PLEKHH2: variants seen among roughly 807,000 people sequenced by gnomAD.
The protein encoded by PLEKHH2 is pleckstrin homology, MyTH4 and FERM domain containing H2.
Under a neutral mutation model 187.9 loss-of-function variants are expected in PLEKHH2, and 129 were observed. That is an observed-to-expected ratio of 0.69 (90% CI 0.59 to 0.79). The LOEUF is 0.79. Among genes scored for constraint, PLEKHH2 ranks in the 30% least tolerant of loss-of-function variants. The pLI is 0.00. For missense variants in PLEKHH2, 2,076 were observed against 1,751.2 expected, an observed-to-expected ratio of 1.19 and a Z score of -3.31; for synonymous variants, 686 against 605.6, an observed-to-expected ratio of 1.13 and a Z score of -1.95.
intron 25 of PLEKHH2, among the ~76,000 whole-genome samples, chr2:43,756,574 A>G (rs1472995253): frequency 1.3e-5 from 2 of 152,234 alleles, no homozygotes; most frequent in Non-Finnish European, 2.9e-5. Flanking sequence ...AGCAAGTACT[A>G]CTAGATGGTG....
chr2:43,668,071 C>T (rs1416024250), intron 2 of PLEKHH2, among the ~76,000 whole-genome samples: 1 of 152,140 alleles, frequency 6.6e-6, no homozygotes, highest in Admixed American at 6.5e-5. Context: ...CCGGCTCTGT[C>T]ACCCTGGCTG....
At chr2:43,648,090 C>A (rs1436806500) in intron 2 of PLEKHH2, among the ~76,000 whole-genome samples, 1 of 152,162 alleles carries the variant, frequency 6.6e-6, no homozygotes, top group African/African-American at 2.4e-5. Flanking sequence ...TGCCGTTAGA[C>A]CGTAGATCTT....
At chr2:43,650,935 G>A (rs527665019) in intron 2 of PLEKHH2, among the ~76,000 whole-genome samples, 4 of 151,888 alleles carry the variant, frequency 2.6e-5, no homozygotes, top group Admixed American at 6.6e-5. Context: ...ATGAGCCACC[G>A]CGCCTGGCCA....
At chr2:43,650,873 C>T (rs1666434973) in intron 2 of PLEKHH2, among the ~76,000 whole-genome samples, 1 of 151,740 alleles carries the variant, frequency 6.6e-6, no homozygotes, top group East Asian at 2.0e-4. Flanking sequence ...TCTTGAACTC[C>T]TGACCTTGTG....
At chr2:43,686,982 TTATA>T (rs1668554143) in intron 3 of PLEKHH2, among the ~76,000 whole-genome samples, 1 of 128,186 alleles carries the variant, frequency 7.8e-6, no homozygotes, top group Non-Finnish European at 1.8e-5. Context: ...CTATATATAT[TTATA>T]TTTTAAAATA....
chr2:43,684,300 G>C (rs1158014508), intron 3 of PLEKHH2, among the ~76,000 whole-genome samples: 5 of 149,992 alleles, frequency 3.3e-5, no homozygotes, highest in African/African-American at 1.2e-4. Context: ...CTGTACCCTG[G>C]CTGTGTCTAT....
At chr2:43,725,376 G>C (rs1670690620) in intron 16 of PLEKHH2, among the ~76,000 whole-genome samples, 1 of 152,080 alleles carries the variant, frequency 6.6e-6, no homozygotes, top group African/African-American at 2.4e-5. Flanking sequence ...CTGTTTTATT[G>C]GGGGGCCCAT....
At chr2:43,690,762 C>T (rs1220548533) in intron 3 of PLEKHH2, among the ~76,000 whole-genome samples, 2 of 152,072 alleles carry the variant, frequency 1.3e-5, no homozygotes, top group Non-Finnish European at 2.9e-5. Flanking sequence ...CTTTATTTTC[C>T]TTCTTACTAC....
At chr2:43,705,526 A>G (rs974704231) in intron 9 of PLEKHH2, among the ~76,000 whole-genome samples, 2 of 151,996 alleles carry the variant, frequency 1.3e-5, no homozygotes, top group East Asian at 1.9e-4. Flanking sequence ...TCAAGGTGCT[A>G]GGATTACAGG....
intron 3 of PLEKHH2, among the ~76,000 whole-genome samples, chr2:43,683,037 C>T (rs1353890037): frequency 6.6e-6 from 1 of 151,934 alleles, no homozygotes; most frequent in Non-Finnish European, 1.5e-5. Flanking sequence ...TCTCCTGTGC[C>T]CTACCTATTC....
At chr2:43,743,782 T>C (rs895424358) in intron 22 of PLEKHH2, 52 bp from the exon 23 acceptor site, 1 of 1,489,350 alleles carries the variant, frequency 6.7e-7, no homozygotes, top group African/African-American at 1.4e-5. Flanking sequence ...AAAATCTCAG[T>C]TTGAAACTAT....
rs780239795 is a variant in PLEKHH2 at position 43,675,546 on chromosome 2, G to T, written c.124-3317G>T. 3 of 1,613,844 alleles carry T rather than the reference G, an allele frequency of 1.9e-6. No homozygotes were observed. In the South Asian group the frequency reaches 3.3e-5, roughly 18 times the overall value. Reference sequence around the variant, plus strand: ...AGCAGCCTTCTACTACTTGCTGAGGGTTATTAGACAATGCCTCTTCAATAA... The same window carrying T: ...AGCAGCCTTCTACTACTTGCTGAGGTTTATTAGACAATGCCTCTTCAATAA... On this transcript the variant is annotated intron_variant, in intron 2 of 29. Transcript: ENST00000282406.
intron 11 of PLEKHH2, among the ~76,000 whole-genome samples, chr2:43,709,613 G>A (rs576531974): frequency 1.4e-4 from 22 of 152,250 alleles, no homozygotes; most frequent in African/African-American, 3.9e-4. Context: ...CAAGGCAGGC[G>A]GATCACGAGG....
chr2:43,643,417 GTACTGAAT>G (rs1666041631), intron 1 of PLEKHH2, among the ~76,000 whole-genome samples: 1 of 151,932 alleles, frequency 6.6e-6, no homozygotes, highest in Non-Finnish European at 1.5e-5. Context: ...TATTTCTAAC[GTACTGAAT>G]ATTGTCAGTA....
At position 43,765,530 on chromosome 2, in the gene PLEKHH2, G is replaced by T; in HGVS notation, c.4414G>T (p.Ala1472Ser). The T allele has an allele frequency of 6.2e-7, 1 of 1,614,010 alleles. No individual in the cohort carries two copies. ...LLSAQTRGPQ[A>S]RMMGSQPLLS... ...CTCAGCCCAGACCCGGGGACCCCAA[G>T]CCAGAATGATGGGAAGCCAGCCTCT... The change falls in exon 30 of 30, where the codon GCC becomes TCC. Residue 1472 changes from alanine to serine, a missense_variant. By Grantham distance (99) the Ala-to-Ser change is moderately conservative. Coordinates refer to ENST00000282406, the MANE Select transcript of PLEKHH2 (RefSeq NM_172069.4).
chr2:43,724,965 T>C (rs1670665847), intron 16 of PLEKHH2, among the ~76,000 whole-genome samples: 1 of 152,012 alleles, frequency 6.6e-6, no homozygotes, highest in Non-Finnish European at 1.5e-5. Context: ...ACAGAGTGAG[T>C]TTAGAGCAGG....
chr2:43,745,890 G>A lies in PLEKHH2; in HGVS notation c.3580G>A (p.Glu1194Lys). Residue 1194 changes from glutamate (E) to lysine (K), a missense_variant, in exon 24 of 30, where the codon GAA becomes AAA. Physicochemically the swap from Glu to Lys is moderately conservative, Grantham distance 56. Transcript: ENST00000282406. ...IKICDIISKW[E>K]QASKEQQPGK... ...GATTTGTGACATTATTTCCAAATGG[G>A]AACAGGCTTCCAAAGAACAGCAGCC... 1 of 1,611,602 alleles carries A rather than the reference G, an allele frequency of 6.2e-7. No individual in the cohort carries two copies. Among genetic ancestry groups the A allele is most frequent in the East Asian group, 2.2e-5 (1 of 44,856 alleles).
chr2:43,735,944 A>T (rs1671269635), intron 19 of PLEKHH2, among the ~76,000 whole-genome samples: 1 of 152,218 alleles, frequency 6.6e-6, no homozygotes, highest in Non-Finnish European at 1.5e-5. Context: ...AAAAGCAAGC[A>T]TCATGCTTTA....
In PLEKHH2 at chr2:43,753,677, T is replaced by C; in HGVS notation, c.3712T>C (p.Tyr1238His). Residue 1238 changes from tyrosine (Y) to histidine (H), a missense_variant, in exon 25 of 30, where the codon TAT becomes CAT. Coordinates refer to ENST00000282406, the MANE Select transcript of PLEKHH2 (RefSeq NM_172069.4). ...TGATAGAGAAAAGTTGCTGTTAATG[T>C]ATCAGACAAATGATCAAATCATAAA... ...ETDREKLLLM[Y>H]QTNDQIINGL... is the part of the protein sequence containing the mutation. 1 of 1,582,796 alleles carries C rather than the reference T, an allele frequency of 6.3e-7. No individual in the cohort carries two copies.
Sources: allele counts gnomAD v4.1 joint callset (sites outside exome capture counted in the v4.1 genomes callset), GRCh38; gene constraint gnomAD v4.1.1; transcripts MANE v1.5; gene names NCBI Gene and HGNC (gene_info 2026-07-23, HGNC 2026-07-21).